OR2L13: variants seen among roughly 807,000 people sequenced by gnomAD.
OR2L13 encodes olfactory receptor 2L13.
A neutral mutation model predicts 15.3 loss-of-function variants in OR2L13; 14 were observed. That is an observed-to-expected ratio of 0.91 (90% CI 0.60 to 1.43). The LOEUF (loss-of-function observed/expected upper bound fraction) is 1.43. Ranked by LOEUF, OR2L13 falls within the 40% of genes most tolerant of loss-of-function variation. The pLI, the probability that OR2L13 is intolerant of heterozygous loss-of-function variation, is 0.00. For synonymous variants in OR2L13, 152 were observed against 142.9 expected (o/e 1.06, Z -0.45); for missense variants, 367 against 387.9 (o/e 0.95, Z 0.45).
the OR2L13 span, among the ~76,000 whole-genome samples, chr1:248,014,344 A>C: frequency 2.0e-3 from 297 of 152,118 alleles, 1 homozygote; most frequent in African/African-American, 6.7e-3. Flanking sequence ...AAAATAAAGG[A>C]CCCTCTTCTG....
the OR2L13 span, chr1:248,038,133 AT>A: frequency 1.6e-6 from 1 of 627,868 alleles, no homozygotes. Flanking sequence ...AAAATAGTTT[AT>A]ATAGGGTTCA....
the OR2L13 span, among the ~76,000 whole-genome samples, chr1:247,950,357 C>T: frequency 1.3e-5 from 2 of 152,110 alleles, no homozygotes; most frequent in Admixed American, 6.6e-5. Context: ...TGGCCTGTGA[C>T]AAGTTTATGC....
the OR2L13 span, chr1:247,965,589 C>T: frequency 6.3e-7 from 1 of 1,589,414 alleles, no homozygotes; most frequent in African/African-American, 1.3e-5. Flanking sequence ...TCGTTGACCT[C>T]ATGTACATCT....
the OR2L13 span, chr1:247,981,054 T>C: frequency 1.3e-5 from 2 of 152,252 alleles, no homozygotes; most frequent in African/African-American, 4.8e-5. Context: ...ATAGTGACTG[T>C]ACTTTCTGTT....
At chr1:247,977,005 G>A in the OR2L13 span, among the ~76,000 whole-genome samples, 1 of 152,154 alleles carries the variant, frequency 6.6e-6, no homozygotes, top group Admixed American at 6.5e-5. Flanking sequence ...GAATGTGCTT[G>A]TTCAACTTTA....
At chr1:248,036,479 GT>G in the OR2L13 span, among the ~76,000 whole-genome samples, 1 of 152,148 alleles carries the variant, frequency 6.6e-6, no homozygotes, top group Non-Finnish European at 1.5e-5. Context: ...GTTTGTGATA[GT>G]TTTAACTCAG....
chr1:247,949,310 C>T, the OR2L13 span: 2 of 1,614,148 alleles, frequency 1.2e-6, no homozygotes, highest in Non-Finnish European at 8.5e-7. Context: ...GGATCATAGG[C>T]TCGATCAATG....
At chr1:248,097,311 C>G (rs1401626042) in exon 1 of OR2L13, 1 of 152,240 alleles carries the variant, frequency 6.6e-6, no homozygotes, top group Non-Finnish European at 1.5e-5. Flanking sequence ...TAATCTCACA[C>G]TCACCTGATA....
At chr1:248,073,756 A>T in the OR2L13 span, among the ~76,000 whole-genome samples, 1 of 151,918 alleles carries the variant, frequency 6.6e-6, no homozygotes, top group African/African-American at 2.4e-5. Flanking sequence ...ATGGTTAAAA[A>T]AATAAATATT....
chr1:247,956,293 A>G, the OR2L13 span, among the ~76,000 whole-genome samples: 3 of 151,890 alleles, frequency 2.0e-5, no homozygotes, highest in Non-Finnish European at 4.4e-5. Context: ...CTTCTGTTCC[A>G]TTGGTCTATA....
At chr1:247,969,097 G>C in the OR2L13 span, among the ~76,000 whole-genome samples, 1 of 152,158 alleles carries the variant, frequency 6.6e-6, no homozygotes, top group Non-Finnish European at 1.5e-5. Context: ...GATGACCAGT[G>C]ATGATGAGCA....
the OR2L13 span, among the ~76,000 whole-genome samples, chr1:247,995,272 A>G: frequency 6.6e-6 from 1 of 152,172 alleles, no homozygotes; most frequent in South Asian, 2.1e-4. Context: ...ACTCTCATAG[A>G]TCCCACTATT....
chr1:248,028,139 T>TAA, the OR2L13 span, among the ~76,000 whole-genome samples: 1 of 32,164 alleles, frequency 3.1e-5, no homozygotes, highest in Non-Finnish European at 4.6e-5. Context: ...AGATTCCGTC[T>TAA]CAAAAAAAAA....
the OR2L13 span, among the ~76,000 whole-genome samples, chr1:247,944,465 C>G: frequency 6.6e-6 from 1 of 152,016 alleles, no homozygotes; most frequent in Non-Finnish European, 1.5e-5. Flanking sequence ...CCCAAATTGT[C>G]CTCCCCCAAC....
the OR2L13 span, among the ~76,000 whole-genome samples, chr1:247,960,413 T>C: frequency 6.6e-6 from 1 of 152,326 alleles, no homozygotes; most frequent in South Asian, 2.1e-4. Flanking sequence ...AGGCAGTCTG[T>C]CTGTTCTCAG....
chr1:248,094,737 G>A (rs895448075), upstream of OR2L13, among the ~76,000 whole-genome samples: 1 of 152,116 alleles, frequency 6.6e-6, no homozygotes. Context: ...ATTTAATTTA[G>A]TCACAATCAT....
chr1:248,026,218 A>G, the OR2L13 span, among the ~76,000 whole-genome samples: 12 of 152,234 alleles, frequency 7.9e-5, no homozygotes, highest in Non-Finnish European at 1.5e-4. Flanking sequence ...GGATTATTCA[A>G]ACTACAACAG....
chr1:247,956,748 C>T, the OR2L13 span, among the ~76,000 whole-genome samples: 1 of 151,938 alleles, frequency 6.6e-6, no homozygotes, highest in African/African-American at 2.4e-5. Flanking sequence ...CTCTGTTTGT[C>T]TGTTATTCGT....
chr1:248,072,542 A>T, the OR2L13 span, among the ~76,000 whole-genome samples: 11 of 152,256 alleles, frequency 7.2e-5, no homozygotes, highest in East Asian at 3.9e-4. Context: ...AAACCTAGGC[A>T]TTACCATTCA....
Sources: allele counts gnomAD v4.1 joint callset (sites outside exome capture counted in the v4.1 genomes callset), GRCh38; gene constraint gnomAD v4.1.1; transcripts MANE v1.5; gene names NCBI Gene and HGNC (gene_info 2026-07-23, HGNC 2026-07-21).